The following GRAMD1B variants were observed in gnomAD, a reference collection of about 807,000 sequenced individuals.
GRAMD1B encodes GRAM domain containing 1B.
In GRAMD1B, 37 loss-of-function variants were observed where a neutral mutation model predicts 99.7. The ratio of observed to expected loss-of-function variants is 0.37; its 90% CI spans 0.29 to 0.49. The LOEUF is 0.49. Ranked by LOEUF, GRAMD1B falls within the 20% of genes least tolerant of loss-of-function variation. The pLI, the probability that GRAMD1B is intolerant of heterozygous loss-of-function variation, is 0.98. For missense variants in GRAMD1B, 888 were observed against 1,009.2 expected, an observed-to-expected ratio of 0.88 and a Z score of 1.63; for synonymous variants, 427 against 387.6, an observed-to-expected ratio of 1.10 and a Z score of -1.19.
At chr11:123,541,100 A>G (rs146267286) in intron 2 of GRAMD1B, among the ~76,000 whole-genome samples, 2,263 of 152,024 alleles carry the variant, frequency 0.015, 27 homozygotes, top group Non-Finnish European at 0.024. Context: ...CAGCCTCCCG[A>G]GTAGCTGGTA....
Position 123,610,172 on chromosome 11 carries a change from C to T in GRAMD1B, c.1777-24C>T. 1 of 1,613,282 alleles carries T rather than the reference C, an allele frequency of 6.2e-7. No individual in the cohort carries two copies. Among genetic ancestry groups the T allele is most frequent in the East Asian group, 2.2e-5 (1 of 44,862 alleles). ...GCTTCTTGCTCCTCTTCAGTTTTGT[C>T]CAATGGACCTTTCCTGCCCGCAGAC... On this transcript the variant is annotated intron_variant, in intron 13 of 19. Transcript: ENST00000635736. The surrounding 1 kb of genome is among the most constrained non-coding windows in gnomAD (Gnocchi z 4.1).
intron 2 of GRAMD1B, among the ~76,000 whole-genome samples, chr11:123,522,111 G>C (rs956403098): frequency 2.0e-5 from 3 of 152,138 alleles, no homozygotes; most frequent in Non-Finnish European, 4.4e-5. Context: ...AGAAGCAGGA[G>C]AATCTGTGTA....
rs190089935 is a variant in GRAMD1B at position 123,554,352 on chromosome 11, A to G, written c.453-23015A>G. ...GTAGTGTATCAGTGAGGGTCCCATA[A>G]GACAGAAACCACACCAATAATTTGA... On this transcript the variant is annotated intron_variant, in intron 2 of 19. Coordinates refer to ENST00000635736, the MANE Select transcript of GRAMD1B (RefSeq NM_001387025.1). 5.0e-3 allele frequency among the ~76,000 whole-genome samples: 759 copies of G among 152,196 alleles called. 3 individuals carry two copies. The highest frequency in any genetic ancestry group is 0.016 in the African/African-American group (678 of 41,526).
At position 123,619,144 on chromosome 11, in the gene GRAMD1B, G is replaced by T; in HGVS notation, c.2464G>T (p.Glu822Ter). The T allele has an allele frequency of 6.4e-7, 1 of 1,569,008 alleles. No individual in the cohort carries two copies. Among genetic ancestry groups the T allele is most frequent in the East Asian group, 2.4e-5 (1 of 42,272 alleles). Reference sequence around the variant, plus strand: ...TCAGACAGAATGGGCCCAGCTCTTAGAGTCCCAACAAAAGTACCACGATAC... The same window carrying T: ...TCAGACAGAATGGGCCCAGCTCTTATAGTCCCAACAAAAGTACCACGATAC... ...QSQTEWAQLL[E>*]SQQKYHDTEL... The change falls in exon 19 of 20, where the codon GAG becomes TAG. Residue 822 changes from glutamate to a stop codon, truncating the protein, a stop_gained. Transcript: ENST00000635736. LOFTEE classifies it high-confidence loss of function.
At chr11:123,449,424 G>A (rs1005897104) in intron 1 of GRAMD1B, among the ~76,000 whole-genome samples, 7 of 152,160 alleles carry the variant, frequency 4.6e-5, no homozygotes, top group Admixed American at 2.0e-4. Context: ...ATTTTGCAAA[G>A]CAAGGAGTCC....
In GRAMD1B at chr11:123,613,131, C is replaced by T. The variant is rs776903003; in HGVS notation, c.2023+267C>T. 257 of 557,792 alleles carry T rather than the reference C, an allele frequency of 4.6e-4. 1 individual carries two copies. Among genetic ancestry groups the T allele is most frequent in the Non-Finnish European group, 2.7e-4 (84 of 315,328 alleles). The allele number at this position is 557,792 out of a possible 1,614,324, so 34.6% of individuals were successfully genotyped here. On this transcript the variant is annotated intron_variant, in intron 15 of 19. Coordinates refer to ENST00000635736, the MANE Select transcript of GRAMD1B (RefSeq NM_001387025.1). ...CCCTCACCCCAAAAGGAACCACAGA[C>T]CTAGTGATATAGGTGGCTCTGTGAC...
intron 1 of GRAMD1B, among the ~76,000 whole-genome samples, chr11:123,470,938 C>T (rs946286940): frequency 6.6e-5 from 10 of 152,156 alleles, no homozygotes; most frequent in Non-Finnish European, 1.0e-4. Context: ...AATGAAGCCA[C>T]GAGCCACATA....
intron 1 of GRAMD1B, among the ~76,000 whole-genome samples, chr11:123,393,606 C>A (rs1947355158): frequency 6.6e-6 from 1 of 152,200 alleles, no homozygotes; most frequent in Admixed American, 6.5e-5. Flanking sequence ...TGTTTGAGAA[C>A]CCTAAGAACA....
At chr11:123,574,237 G>A (rs886578976) in intron 2 of GRAMD1B, among the ~76,000 whole-genome samples, 2 of 152,190 alleles carry the variant, frequency 1.3e-5, no homozygotes, top group Non-Finnish European at 2.9e-5. Flanking sequence ...TGTGGAATAT[G>A]CAAGCCCTTT....
intron 2 of GRAMD1B, among the ~76,000 whole-genome samples, chr11:123,496,941 A>G (rs2094101553): frequency 6.6e-6 from 1 of 152,160 alleles, no homozygotes; most frequent in Admixed American, 6.5e-5. Flanking sequence ...CTGTTTCTCC[A>G]GGACTGGTCC....
At chr11:123,583,050 G>A (rs561841030) in intron 3 of GRAMD1B, among the ~76,000 whole-genome samples, 4 of 152,000 alleles carry the variant, frequency 2.6e-5, no homozygotes, top group South Asian at 2.1e-4. Context: ...GTGTATATAT[G>A]TGTGTCTCTG....
chr11:123,624,083 A>G lies in GRAMD1B; in HGVS notation c.*1488A>G, dbSNP rs1397896011. The G allele has an allele frequency of 6.6e-6, 1 of 152,234 alleles. No individual in the cohort carries two copies. The highest frequency in any genetic ancestry group is 1.5e-5 in the Non-Finnish European group (1 of 68,046). 9.4% of individuals were successfully genotyped at this position (152,234 alleles called of 1,614,324 possible). A position where few individuals can be genotyped will look rare whatever the true frequency, so the allele number is the denominator to read the frequency against. Reference sequence around the variant, plus strand: ...ACTGTTTCTTCATGTAATGACCAAAAGAGTCCCACCAGCTCCAGGCAGAGC... The same window carrying G: ...ACTGTTTCTTCATGTAATGACCAAAGGAGTCCCACCAGCTCCAGGCAGAGC... On this transcript the variant is annotated 3_prime_UTR_variant, in exon 20 of 20. Coordinates refer to ENST00000635736, the MANE Select transcript of GRAMD1B (RefSeq NM_001387025.1).
At chr11:123,483,268 TGAA>T (rs1378639237) in intron 2 of GRAMD1B, among the ~76,000 whole-genome samples, 13 of 152,302 alleles carry the variant, frequency 8.5e-5, no homozygotes, top group Admixed American at 7.9e-4. Flanking sequence ...GTGGATATGC[TGAA>T]CAAAGGGATG....
intron 11 of GRAMD1B, among the ~76,000 whole-genome samples, chr11:123,607,099 A>G (rs536121375): frequency 6.6e-6 from 1 of 152,168 alleles, no homozygotes; most frequent in East Asian, 1.9e-4. Context: ...GGCAATGTTT[A>G]TAAGCCACAA....
intron 1 of GRAMD1B, among the ~76,000 whole-genome samples, chr11:123,443,414 G>A (rs566462031): frequency 1.3e-5 from 2 of 152,324 alleles, no homozygotes; most frequent in South Asian, 2.1e-4. Flanking sequence ...GTGCAAGGTG[G>A]TTGGGTTACA....
At chr11:123,490,230 G>T (rs113774951) in intron 2 of GRAMD1B, among the ~76,000 whole-genome samples, 44 of 152,300 alleles carry the variant, frequency 2.9e-4, no homozygotes, top group African/African-American at 1.0e-3. Flanking sequence ...CGGCCAGAGG[G>T]GTTGGGGCCA....
chr11:123,378,746 T>G (rs898299603), intron 1 of GRAMD1B, among the ~76,000 whole-genome samples: 2 of 152,202 alleles, frequency 1.3e-5, no homozygotes, highest in Non-Finnish European at 2.9e-5. Context: ...TGAGGGTAAT[T>G]CATGTGAATC....
At chr11:123,578,185 T>C (rs1275056) in intron 3 of GRAMD1B, among the ~76,000 whole-genome samples, 36,992 of 151,950 alleles carry the variant, frequency 0.24, 4,587 homozygotes, top group East Asian at 0.3. Context: ...CAGAGATGTC[T>C]TCCCCACCCT....
intron 2 of GRAMD1B, among the ~76,000 whole-genome samples, chr11:123,490,361 A>G (rs1938413604): frequency 6.6e-6 from 1 of 152,184 alleles, no homozygotes; most frequent in African/African-American, 2.4e-5. Context: ...GGATATAGCA[A>G]TAGAGAAGCA....
Sources: allele counts gnomAD v4.1 joint callset (sites outside exome capture counted in the v4.1 genomes callset), GRCh38; gene constraint gnomAD v4.1.1; non-coding constraint Gnocchi (gnomAD v3.1); transcripts MANE v1.5; gene names NCBI Gene and HGNC (gene_info 2026-07-23, HGNC 2026-07-21).